The following MGAT4C variants were observed in gnomAD, a reference collection of about 807,000 sequenced individuals.
MGAT4C encodes alpha-1,3-mannosyl-glycoprotein 4-beta-N-acetylglucosaminyltransferase C.
Under a neutral mutation model 40.1 loss-of-function variants are expected in MGAT4C, and 19 were observed. The observed-to-expected ratio is 0.47, with a 90% CI of 0.33 to 0.70. The LOEUF (loss-of-function observed/expected upper bound fraction) is 0.70, where lower values mean the gene tolerates loss of function less well. Among genes scored for constraint, MGAT4C ranks in the 30% least tolerant of loss-of-function variants. The pLI is 0.02. For missense variants in MGAT4C, 491 were observed against 563.2 expected (o/e 0.87, Z 1.30); for synonymous variants, 181 against 187.1 (o/e 0.97, Z 0.27).
chr12:86,387,170 AT>A (rs998961696), intron 3 of MGAT4C, among the ~76,000 whole-genome samples: 1 of 152,078 alleles, frequency 6.6e-6, no homozygotes, highest in Admixed American at 6.6e-5. Context: ...TAATTCCTTT[AT>A]GTCTTCATGA....
At chr12:86,582,608 T>C (rs1960834280) in intron 2 of MGAT4C, among the ~76,000 whole-genome samples, 1 of 151,462 alleles carries the variant, frequency 6.6e-6, no homozygotes, top group African/African-American at 2.4e-5. Flanking sequence ...GTTATTGGTA[T>C]GATAAACACA....
intron 1 of MGAT4C, among the ~76,000 whole-genome samples, chr12:86,132,148 T>C (rs1031526441): frequency 1.3e-5 from 2 of 152,260 alleles, no homozygotes; most frequent in African/African-American, 4.8e-5. Context: ...CAAAAATCTC[T>C]TTGTCTTGAA....
At position 86,720,657 on chromosome 12, in the gene MGAT4C, G is replaced by GA. The variant is rs146211521; in HGVS notation, c.-229+6551dup. ...GGCTTACCTGGATCAGGAGCAATAAGAAAAAAATTAAATACAGGACATGAT... is the reference window on the plus strand; with the variant it reads ...GGCTTACCTGGATCAGGAGCAATAAGAAAAAAAATTAAATACAGGACATGAT... On this transcript the variant is annotated intron_variant, in intron 2 of 7. Coordinates refer to the MGAT4C transcript ENST00000548651. Among the ~76,000 whole-genome samples the GA allele has an allele frequency of 3.3e-5, 5 of 151,978 alleles. No individual in the cohort carries two copies. The South Asian group carries it at 1.0e-3, about 32-fold the overall frequency.
At chr12:86,212,910 A>AC (rs1950535616) in intron 1 of MGAT4C, among the ~76,000 whole-genome samples, 4 of 147,080 alleles carry the variant, frequency 2.7e-5, no homozygotes, top group Non-Finnish European at 4.5e-5. Flanking sequence ...AAAAAAAAAA[A>AC]AAAAAAAAAA....
intron 2 of MGAT4C, among the ~76,000 whole-genome samples, chr12:86,635,657 TTGTG>T (rs71309507): frequency 1.8e-4 from 26 of 147,338 alleles, no homozygotes; most frequent in East Asian, 4.0e-4. Context: ...TCTATATACA[TTGTG>T]TGTGTGTGTG....
chr12:86,147,277 T>G (rs2135755677), intron 1 of MGAT4C, among the ~76,000 whole-genome samples: 3 of 152,246 alleles, frequency 2.0e-5, no homozygotes, highest in Admixed American at 2.0e-4. Context: ...AGTCTCGCTC[T>G]GTCGCCCAGG....
chr12:86,617,281 T>G (rs1962482474), intron 2 of MGAT4C, among the ~76,000 whole-genome samples: 1 of 152,194 alleles, frequency 6.6e-6, no homozygotes, highest in South Asian at 2.1e-4. Flanking sequence ...TAACGTTGTC[T>G]TCATAGTAGC....
chr12:86,493,600 G>C (rs1958179838), intron 2 of MGAT4C, among the ~76,000 whole-genome samples: 1 of 145,152 alleles, frequency 6.9e-6, no homozygotes, highest in Non-Finnish European at 1.5e-5. Flanking sequence ...TGAACAATGA[G>C]AACACATGGA....
chr12:86,488,903 G>A (rs1958075803), intron 2 of MGAT4C, among the ~76,000 whole-genome samples: 1 of 152,098 alleles, frequency 6.6e-6, no homozygotes, highest in African/African-American at 2.4e-5. Flanking sequence ...AGGAGACAGA[G>A]AAATTCTGGG....
intron 2 of MGAT4C, among the ~76,000 whole-genome samples, chr12:86,605,251 G>T (rs930345997): frequency 2.0e-5 from 3 of 151,904 alleles, no homozygotes; most frequent in Non-Finnish European, 4.4e-5. Context: ...TTGTATAATT[G>T]CTTCCTAATT....
intron 2 of MGAT4C, among the ~76,000 whole-genome samples, chr12:86,699,375 T>C (rs1328118657): frequency 6.6e-6 from 1 of 152,158 alleles, no homozygotes; most frequent in Non-Finnish European, 1.5e-5. Flanking sequence ...AAAATATACG[T>C]ATTTTGATTT....
At position 86,184,800 on chromosome 12, in the gene MGAT4C, A is replaced by G. The variant is rs529720977; in HGVS notation, c.-57+71439T>C. On this transcript the variant is annotated intron_variant, in intron 1 of 4. Transcript: ENST00000611864. ...ACATTGTTTTGGACCAGCCTCCTGCACTAGGCTCCTGAAGACCAGACCAAA... is the reference window on the plus strand; with the variant it reads ...ACATTGTTTTGGACCAGCCTCCTGCGCTAGGCTCCTGAAGACCAGACCAAA... Among the ~76,000 whole-genome samples, 385 of 150,972 alleles carry G rather than the reference A, an allele frequency of 2.6e-3. 1 individual carries two copies. Among genetic ancestry groups the G allele is most frequent in the African/African-American group, 9.1e-3 (373 of 41,108 alleles).
At chr12:86,004,200 C>A (rs191682992) in intron 2 of MGAT4C, among the ~76,000 whole-genome samples, 1 of 152,200 alleles carries the variant, frequency 6.6e-6, no homozygotes, top group Admixed American at 6.5e-5. Context: ...CATGAAAAGA[C>A]ACTTTCAAAT....
chr12:86,532,791 T>C (rs1490051827), intron 2 of MGAT4C, among the ~76,000 whole-genome samples: 2 of 152,040 alleles, frequency 1.3e-5, no homozygotes. Context: ...CTCAATCTTT[T>C]GTCATTTTTA....
chr12:86,763,450 T>A (rs1490096183), intron 1 of MGAT4C, among the ~76,000 whole-genome samples: 5 of 152,204 alleles, frequency 3.3e-5, no homozygotes, highest in Non-Finnish European at 7.3e-5. Flanking sequence ...TTAATGTGTT[T>A]CACTGGATTT....
rs1202778495 is a variant in MGAT4C, at chr12:86,420,313, T to C, written c.-120+14844A>G. Among the ~76,000 whole-genome samples, 3 of 152,000 alleles carry C rather than the reference T, an allele frequency of 2.0e-5. No individual in the cohort carries two copies. In the East Asian group the frequency reaches 5.8e-4, roughly 29 times the overall value. The stretch of plus-strand genomic sequence containing the variant: ...GGGAGGATCACTTGAGCCCAGAGGT[T>C]AAAACCTGCAGTGAACTATGATTGT... On this transcript the variant is annotated intron_variant, in intron 3 of 7. Coordinates refer to the MGAT4C transcript ENST00000548651.
chr12:85,957,225 A>C lies in MGAT4C; in HGVS notation c.*22064T>G, dbSNP rs575684318. The C allele has an allele frequency of 6.6e-6, 1 of 152,286 alleles. No homozygotes were observed. The highest frequency in any genetic ancestry group is 1.9e-4 in the East Asian group (1 of 5,192). The allele number at this position is 152,286 out of a possible 1,614,324, so 9.4% of individuals were successfully genotyped here. A position where few individuals can be genotyped will look rare whatever the true frequency, so the allele number is the denominator to read the frequency against. ...GGAAGTTGAGGAAAGTTTATGTTTA[A>C]TTTTTATTTTATTTTCTTCATCTGT... On this transcript the variant is annotated 3_prime_UTR_variant, in exon 5 of 5. Transcript: ENST00000611864.
intron 2 of MGAT4C, among the ~76,000 whole-genome samples, chr12:86,542,722 G>A: frequency 6.6e-6 from 1 of 152,094 alleles, no homozygotes; most frequent in East Asian, 1.9e-4. Flanking sequence ...ATGACAAAGT[G>A]AATGAATGCT....
intron 4 of MGAT4C, among the ~76,000 whole-genome samples, chr12:86,328,314 A>C (rs1165905176): frequency 1.3e-5 from 2 of 152,194 alleles, no homozygotes; most frequent in African/African-American, 4.8e-5. Context: ...CAACATTGTA[A>C]TAGAAGTCCC....
Sources: gnomAD v4.1 joint callset for allele counts (sites outside exome capture counted in the v4.1 genomes callset) on GRCh38, gnomAD v4.1.1 for gene constraint, MANE v1.5 for transcripts, NCBI Gene and HGNC (gene_info 2026-07-23, HGNC 2026-07-21) for gene names.